The following CNTNAP5 variants were observed in gnomAD, a reference collection of about 807,000 sequenced individuals.
The protein encoded by CNTNAP5 is contactin-associated protein-like 5.
In CNTNAP5, 72 loss-of-function variants were observed where a neutral mutation model predicts 150.2. The ratio of observed to expected loss-of-function variants is 0.48; its 90% CI spans 0.40 to 0.58. CNTNAP5 has a LOEUF of 0.58. CNTNAP5 is among the 20% of genes least tolerant of loss of function. CNTNAP5 has a pLI of 0.00. For synonymous variants in CNTNAP5, 672 were observed against 619.8 expected, an observed-to-expected ratio of 1.08 and a Z score of -1.25; for missense variants, 1,636 against 1,626.2, an observed-to-expected ratio of 1.01 and a Z score of -0.10.
At chr2:124,851,012 C>T (rs1683142159) in intron 19 of CNTNAP5, among the ~76,000 whole-genome samples, 1 of 152,092 alleles carries the variant, frequency 6.6e-6, no homozygotes, top group African/African-American at 2.4e-5. Flanking sequence ...ATAGATAACG[C>T]CTTAAAAGTT....
At chr2:124,458,440 T>C (rs1693172519) in intron 6 of CNTNAP5, among the ~76,000 whole-genome samples, 1 of 151,676 alleles carries the variant, frequency 6.6e-6, no homozygotes, top group Admixed American at 6.6e-5. Flanking sequence ...ACATCGTCTG[T>C]TCCTACTCGT....
At chr2:124,569,994 C>G (rs1384812941) in intron 11 of CNTNAP5, among the ~76,000 whole-genome samples, 1 of 152,096 alleles carries the variant, frequency 6.6e-6, no homozygotes, top group Non-Finnish European at 1.5e-5. Context: ...CAGTCACATT[C>G]AAGGCTTTGG....
chr2:124,226,337 T>C (rs1686459515), intron 2 of CNTNAP5, among the ~76,000 whole-genome samples: 1 of 152,132 alleles, frequency 6.6e-6, no homozygotes, highest in African/African-American at 2.4e-5. Context: ...TTTTGATTTC[T>C]ATTTTCCTGA....
chr2:124,769,987 T>G (rs918215486), intron 16 of CNTNAP5, among the ~76,000 whole-genome samples: 1 of 152,194 alleles, frequency 6.6e-6, no homozygotes, highest in African/African-American at 2.4e-5. Flanking sequence ...CTATTTTTAT[T>G]GAATTTTACT....
intron 18 of CNTNAP5, among the ~76,000 whole-genome samples, chr2:124,796,091 G>C (rs893727344): frequency 6.6e-6 from 1 of 152,228 alleles, no homozygotes; most frequent in Middle Eastern, 3.4e-3. Context: ...GAGTCCAGCT[G>C]TATTGCTGAA....
intron 4 of CNTNAP5, among the ~76,000 whole-genome samples, chr2:124,430,137 C>T (rs1692338139): frequency 6.6e-6 from 1 of 151,774 alleles, no homozygotes. Context: ...GATGGAGGAC[C>T]CCTTAGAAAA....
intron 1 of CNTNAP5, among the ~76,000 whole-genome samples, chr2:124,142,812 A>C (rs1684150354): frequency 6.6e-6 from 1 of 150,656 alleles, no homozygotes; most frequent in African/African-American, 2.5e-5. Context: ...AAGGAAATAG[A>C]GACACAAAAA....
intron 11 of CNTNAP5, among the ~76,000 whole-genome samples, chr2:124,564,425 G>A (rs1375262836): frequency 2.0e-5 from 3 of 152,094 alleles, no homozygotes; most frequent in Non-Finnish European, 4.4e-5. Flanking sequence ...GCACGATCTT[G>A]GCTCACTGGA....
chr2:124,618,374 G>C (rs1395671771), intron 12 of CNTNAP5, among the ~76,000 whole-genome samples: 2 of 152,132 alleles, frequency 1.3e-5, no homozygotes, highest in East Asian at 3.9e-4. Flanking sequence ...CTCTCGTATG[G>C]CTTGTTCAAA....
intron 10 of CNTNAP5, among the ~76,000 whole-genome samples, chr2:124,545,017 T>C (rs892023038): frequency 3.3e-5 from 5 of 152,192 alleles, no homozygotes; most frequent in Non-Finnish European, 2.9e-5. Flanking sequence ...TAGATCAAAA[T>C]GTCAAAAACT....
intron 2 of CNTNAP5, among the ~76,000 whole-genome samples, chr2:124,233,418 G>C (rs911567630): frequency 1.8e-4 from 27 of 152,238 alleles, no homozygotes; most frequent in African/African-American, 6.5e-4. Flanking sequence ...AAGTGATTCT[G>C]ATGCTCACAA....
At chr2:124,485,388 T>C (rs927680856) in intron 7 of CNTNAP5, among the ~76,000 whole-genome samples, 1 of 151,250 alleles carries the variant, frequency 6.6e-6, no homozygotes, top group Non-Finnish European at 1.5e-5. Context: ...CCCAGGCGGG[T>C]GGATCACGAG....
chr2:124,711,354 A>G (rs1430003985), intron 13 of CNTNAP5, among the ~76,000 whole-genome samples: 1 of 152,068 alleles, frequency 6.6e-6, no homozygotes, highest in Non-Finnish European at 1.5e-5. Context: ...ACCCACACAC[A>G]CTGTTCCATC....
intron 1 of CNTNAP5, among the ~76,000 whole-genome samples, chr2:124,055,138 G>A (rs1681811325): frequency 6.6e-6 from 1 of 152,166 alleles, no homozygotes; most frequent in Admixed American, 6.5e-5. Flanking sequence ...CCAACCAAAT[G>A]TTTCCTTTTT....
chr2:124,337,418 T>G (rs1337401155), intron 3 of CNTNAP5, among the ~76,000 whole-genome samples: 2 of 152,330 alleles, frequency 1.3e-5, no homozygotes, highest in African/African-American at 4.8e-5. Context: ...TTGCCATTGC[T>G]TTTGGTGTTT....
chr2:124,035,513 A>G (rs762630342), intron 1 of CNTNAP5, among the ~76,000 whole-genome samples: 5 of 151,940 alleles, frequency 3.3e-5, no homozygotes, highest in Admixed American at 3.3e-4. Context: ...GCATAAGTTA[A>G]TGCTTTTCAA....
rs565324266 is a variant in CNTNAP5, at chr2:124,137,983, C to T, written c.83-83722C>T. On this transcript the variant is annotated intron_variant, in intron 1 of 23. Coordinates refer to ENST00000682447, the MANE Select transcript of CNTNAP5 (RefSeq NM_001367498.1). ...GGAGCAACTCAATTTTGTGGGATTTCGTAGATTTCAGCAGGGAGCATAATC... is the reference window on the plus strand; with the variant it reads ...GGAGCAACTCAATTTTGTGGGATTTTGTAGATTTCAGCAGGGAGCATAATC... Among the ~76,000 whole-genome samples the T allele has an allele frequency of 6.6e-5, 10 of 152,152 alleles. No homozygotes were observed. In the South Asian group the frequency reaches 8.3e-4, roughly 13 times the overall value.
chr2:124,436,721 G>T (rs990679555), intron 5 of CNTNAP5, among the ~76,000 whole-genome samples: 1 of 152,104 alleles, frequency 6.6e-6, no homozygotes, highest in Non-Finnish European at 1.5e-5. Context: ...TTTCTTCCCA[G>T]TTTCCATCTT....
intron 3 of CNTNAP5, among the ~76,000 whole-genome samples, chr2:124,322,182 A>G (rs1689119436): frequency 7.8e-6 from 1 of 128,504 alleles, no homozygotes; most frequent in Non-Finnish European, 1.8e-5. Flanking sequence ...AATAAAATAA[A>G]ATAAAATAAA....
Sources: gnomAD v4.1 joint callset for allele counts (sites outside exome capture counted in the v4.1 genomes callset) on GRCh38, gnomAD v4.1.1 for gene constraint, MANE v1.5 for transcripts, NCBI Gene and HGNC (gene_info 2026-07-23, HGNC 2026-07-21) for gene names.